The following CTNNA2 variants were observed in gnomAD, a reference collection of about 807,000 sequenced individuals.
CTNNA2 encodes the protein catenin alpha 2, also known as catenin alpha-2.
CTNNA2 carries 42 observed loss-of-function variants against 101.0 expected under a neutral mutation model. The ratio of observed to expected loss-of-function variants is 0.42; its 90% confidence interval spans 0.32 to 0.54. The LOEUF is 0.54. Ranked by LOEUF, CTNNA2 falls within the 20% of genes least tolerant of loss-of-function variation. CTNNA2 has a pLI of 0.14. For missense variants in CTNNA2, 871 were observed against 1,223.1 expected (o/e 0.71, Z 4.29); for synonymous variants, 450 against 456.4 (o/e 0.99, Z 0.18).
chr2:80,482,797 A>C (rs1049516448), intron 9 of CTNNA2, among the ~76,000 whole-genome samples: 1 of 152,160 alleles, frequency 6.6e-6, no homozygotes, highest in Non-Finnish European at 1.5e-5. Context: ...ACATGCAAAG[A>C]TCTGGTAACA....
rs13413250 is a variant in CTNNA2 at position 79,814,989 on chromosome 2, C to T, written c.299-43024C>T. Among the ~76,000 whole-genome samples, 325 of 152,214 alleles carry T rather than the reference C, an allele frequency of 2.1e-3. 2 individuals are homozygous for T. Among genetic ancestry groups the T allele is most frequent in the African/African-American group, 7.0e-3 (291 of 41,522 alleles). On this transcript the variant is annotated intron_variant, in intron 3 of 18. Coordinates refer to ENST00000402739, the MANE Select transcript of CTNNA2 (RefSeq NM_001282597.3). ...CATTCTGGTGGGAGTAAGGTGGTAT[C>T]ACATTGTGGTTTTGATTTGCATTTC...
At chr2:80,329,156 G>A (rs1671089967) in intron 7 of CTNNA2, among the ~76,000 whole-genome samples, 1 of 152,208 alleles carries the variant, frequency 6.6e-6, no homozygotes, top group Admixed American at 6.5e-5. Context: ...CTGTCCATGT[G>A]ATGTGAAGCA....
chr2:79,229,709 GA>G (rs1444782762), intron 2 of CTNNA2, among the ~76,000 whole-genome samples: 1 of 152,112 alleles, frequency 6.6e-6, no homozygotes, highest in African/African-American at 2.4e-5. Context: ...GGGCTCAGAG[GA>G]AGAAAGAAAA....
At chr2:79,358,994 A>G (rs553260505) in intron 3 of CTNNA2, among the ~76,000 whole-genome samples, 162 of 152,150 alleles carry the variant, frequency 1.1e-3, no homozygotes, top group Non-Finnish European at 1.8e-3. Flanking sequence ...AACAGTGCCT[A>G]CTGTAGGCCA....
At chr2:80,115,753 C>G (rs1325431813) in intron 7 of CTNNA2, among the ~76,000 whole-genome samples, 1 of 151,948 alleles carries the variant, frequency 6.6e-6, no homozygotes, top group Non-Finnish European at 1.5e-5. Context: ...CGTGGAAGGG[C>G]AAGGTTCTGG....
chr2:79,961,683 G>A (rs746084338), intron 7 of CTNNA2, among the ~76,000 whole-genome samples: 5 of 152,054 alleles, frequency 3.3e-5, no homozygotes, highest in Non-Finnish European at 7.4e-5. Flanking sequence ...TTAGCCGGGC[G>A]TGGTGGCGGG....
At chr2:79,992,373 G>A (rs571165414) in intron 7 of CTNNA2, among the ~76,000 whole-genome samples, 1 of 152,266 alleles carries the variant, frequency 6.6e-6, no homozygotes, top group South Asian at 2.1e-4. Context: ...ATGGTGAAAT[G>A]GAGGCAGTAA....
intron 1 of CTNNA2, among the ~76,000 whole-genome samples, chr2:79,624,479 A>G (rs1679184995): frequency 6.6e-6 from 1 of 152,112 alleles, no homozygotes; most frequent in South Asian, 2.1e-4. Context: ...AAAGGTTTGG[A>G]AAATATGAAA....
chr2:80,238,242 T>C lies in CTNNA2; in HGVS notation c.1057-154969T>C, dbSNP rs1709649242. On this transcript the variant is annotated intron_variant, in intron 7 of 18. Transcript: ENST00000402739. ...ATTTGAGGCTCCAGGGCAAGGGGAA[T>C]GGCGGCATGGCAGGCAAGGAGGGGC... 2.0e-5 allele frequency among the ~76,000 whole-genome samples: 3 copies of C among 152,008 alleles called. 1 individual carries two copies. The South Asian group carries it at 6.2e-4, about 32-fold the overall frequency.
At chr2:79,808,341 A>T (rs1473151388) in intron 3 of CTNNA2, among the ~76,000 whole-genome samples, 1 of 152,160 alleles carries the variant, frequency 6.6e-6, no homozygotes, top group Non-Finnish European at 1.5e-5. Context: ...TATGTTGGCG[A>T]GGCCAATGAG....
Position 80,365,599 on chromosome 2 carries a change from A to G in CTNNA2, c.1057-27612A>G, listed in dbSNP as rs542411391. ...AAAAAAAAAAAACAACAACAACTCT[A>G]TTATGGTCTTCATAGTGTTTCTAAT... On this transcript the variant is annotated intron_variant, in intron 7 of 18. Transcript: ENST00000402739. Among the ~76,000 whole-genome samples, 4 of 151,134 alleles carry G rather than the reference A, an allele frequency of 2.6e-5. No homozygotes were observed. In the East Asian group the frequency reaches 5.8e-4, roughly 22 times the overall value.
At chr2:80,425,080 C>T (rs369305879) in intron 9 of CTNNA2, among the ~76,000 whole-genome samples, 4 of 152,156 alleles carry the variant, frequency 2.6e-5, no homozygotes, top group Admixed American at 1.3e-4. Context: ...TAGCAAATCC[C>T]GGCGAGGGTG....
At chr2:80,389,982 G>A (rs1011595897) in intron 7 of CTNNA2, among the ~76,000 whole-genome samples, 4 of 152,152 alleles carry the variant, frequency 2.6e-5, no homozygotes, top group African/African-American at 7.2e-5. Context: ...TCAAAATAAA[G>A]TTAGTAGTAA....
chr2:79,894,334 G>A (rs1336911720), intron 6 of CTNNA2, among the ~76,000 whole-genome samples: 8 of 113,598 alleles, frequency 7.0e-5, no homozygotes, highest in East Asian at 2.8e-4. Context: ...CCTGCCCCCC[G>A]CCCCACCAAC....
chr2:79,829,501 C>G (rs1678737270), intron 3 of CTNNA2, among the ~76,000 whole-genome samples: 1 of 150,492 alleles, frequency 6.6e-6, no homozygotes, highest in Admixed American at 6.6e-5. Flanking sequence ...TCTCGGGAGA[C>G]AGAGGTTTCA....
chr2:80,095,488 G>A (rs1381109820), intron 7 of CTNNA2, among the ~76,000 whole-genome samples: 4 of 152,066 alleles, frequency 2.6e-5, no homozygotes, highest in Non-Finnish European at 4.4e-5. Context: ...TCTCTGCCAG[G>A]CTTTGGTATC....
intron 2 of CTNNA2, among the ~76,000 whole-genome samples, chr2:79,246,229 G>A (rs1441162446): frequency 2.0e-5 from 3 of 152,022 alleles, no homozygotes; most frequent in Non-Finnish European, 4.4e-5. Context: ...TGGACAAGAC[G>A]GTCTCTCAAA....
intron 3 of CTNNA2, among the ~76,000 whole-genome samples, chr2:79,372,291 C>T (rs903636593): frequency 2.6e-5 from 4 of 152,098 alleles, no homozygotes; most frequent in Non-Finnish European, 5.9e-5. Flanking sequence ...TATTATTTTT[C>T]CTCCTTGATG....
chr2:80,576,625 T>G (rs1359101830), intron 13 of CTNNA2, among the ~76,000 whole-genome samples: 3 of 151,890 alleles, frequency 2.0e-5, no homozygotes, highest in African/African-American at 7.3e-5. Flanking sequence ...CTGGCCACAC[T>G]TTTATCAACT....
Sources: allele counts gnomAD v4.1 joint callset (sites outside exome capture counted in the v4.1 genomes callset), GRCh38; gene constraint gnomAD v4.1.1; transcripts MANE v1.5; gene names NCBI Gene and HGNC (gene_info 2026-07-23, HGNC 2026-07-21).